Variants in CDH20 observed in about 807,000 individuals in gnomAD.
CDH20 encodes cadherin 20, also known as cadherin-20.
A neutral mutation model predicts 74.2 loss-of-function variants in CDH20; 29 were observed. That is an observed-to-expected ratio of 0.39 (90% CI 0.29 to 0.53). CDH20 has a LOEUF of 0.53. CDH20 is among the 20% of genes least tolerant of loss of function. The pLI is 0.69. For missense variants in CDH20, 988 were observed against 1,048.3 expected, an observed-to-expected ratio of 0.94 and a Z score of 0.79; for synonymous variants, 469 against 405.4, an observed-to-expected ratio of 1.16 and a Z score of -1.88.
At chr18:61,411,307 G>A (rs1912492885) in intron 1 of CDH20, among the ~76,000 whole-genome samples, 1 of 152,072 alleles carries the variant, frequency 6.6e-6, no homozygotes, top group Non-Finnish European at 1.5e-5. Context: ...ATGCTGGTGG[G>A]AATGTAAACT....
chr18:61,412,903 G>C (rs2159595), intron 1 of CDH20, among the ~76,000 whole-genome samples: 1 of 151,848 alleles, frequency 6.6e-6, no homozygotes, highest in Non-Finnish European at 1.5e-5. Flanking sequence ...TCTCTGGGTC[G>C]GGTAGGAAAG....
intron 1 of CDH20, among the ~76,000 whole-genome samples, chr18:61,482,666 T>C (rs939360011): frequency 6.6e-6 from 1 of 151,974 alleles, no homozygotes; most frequent in African/African-American, 2.4e-5. Flanking sequence ...TTTACATATA[T>C]ATATTTTAAA....
chr18:61,441,866 C>T (rs1184620422), intron 1 of CDH20, among the ~76,000 whole-genome samples: 1 of 152,112 alleles, frequency 6.6e-6, no homozygotes, highest in South Asian at 2.1e-4. Context: ...AAGCCACCTC[C>T]CTGTGTTATG....
intron 1 of CDH20, among the ~76,000 whole-genome samples, chr18:61,419,732 C>T (rs1912813649): frequency 6.6e-6 from 1 of 152,128 alleles, no homozygotes; most frequent in African/African-American, 2.4e-5. Flanking sequence ...ACTATCCCAA[C>T]TTGCCTCCCA....
chr18:61,422,849 C>G (rs1647476584), intron 1 of CDH20, among the ~76,000 whole-genome samples: 1 of 151,846 alleles, frequency 6.6e-6, no homozygotes, highest in African/African-American at 2.4e-5. Flanking sequence ...ATAAATAAAA[C>G]TGTCCATGAC....
intron 1 of CDH20, among the ~76,000 whole-genome samples, chr18:61,477,768 C>T (rs1268109648): frequency 1.3e-5 from 2 of 152,074 alleles, no homozygotes; most frequent in African/African-American, 4.8e-5. Context: ...TTTTATCAAC[C>T]CACACTCCCA....
chr18:61,515,368 G>A (rs1161642876), intron 6 of CDH20, among the ~76,000 whole-genome samples: 1 of 151,986 alleles, frequency 6.6e-6, no homozygotes, highest in Admixed American at 6.5e-5. Context: ...CTCGCGCACG[G>A]TGCACGCACC....
At chr18:61,502,921 T>C in intron 4 of CDH20, 32 bp from the exon 5 acceptor site, 2 of 1,560,794 alleles carry the variant, frequency 1.3e-6, no homozygotes, top group Non-Finnish European at 1.7e-6. Context: ...TGTGGTTTTA[T>C]TTTTATAAAC....
chr18:61,345,432 C>A lies in CDH20; in HGVS notation c.-153+11605C>A, dbSNP rs78896584. 9.0e-3 allele frequency among the ~76,000 whole-genome samples: 1,376 copies of A among 152,222 alleles called. 20 individuals are homozygous for A. The highest frequency in any genetic ancestry group is 0.032 in the African/African-American group (1,320 of 41,528). Reference sequence around the variant, plus strand: ...GGCCTGTTTCTTCACCTGTCAGTGACCAGGGTCATCTGCTGTTAATGAAAC... The same window carrying A: ...GGCCTGTTTCTTCACCTGTCAGTGAACAGGGTCATCTGCTGTTAATGAAAC... On this transcript the variant is annotated intron_variant, in intron 1 of 11. Coordinates refer to ENST00000262717, the MANE Select transcript of CDH20 (RefSeq NM_031891.4).
chr18:61,527,117 T>C (rs1038395978), intron 6 of CDH20, among the ~76,000 whole-genome samples: 4 of 152,006 alleles, frequency 2.6e-5, no homozygotes, highest in African/African-American at 9.7e-5. Flanking sequence ...GAGGTGGAGG[T>C]TGCAATGAGC....
chr18:61,479,058 A>C (rs1409163791), intron 1 of CDH20, among the ~76,000 whole-genome samples: 1 of 152,122 alleles, frequency 6.6e-6, no homozygotes, highest in African/African-American at 2.4e-5. Context: ...AAAGTGTGGA[A>C]AAAATAGTTC....
chr18:61,366,512 CT>C, intron 1 of CDH20, among the ~76,000 whole-genome samples: 1 of 152,060 alleles, frequency 6.6e-6, no homozygotes, highest in East Asian at 1.9e-4. Context: ...AATCCTTATT[CT>C]TTTTTATAAC....
At chr18:61,527,636 C>A (rs1275285797) in intron 6 of CDH20, among the ~76,000 whole-genome samples, 1 of 152,104 alleles carries the variant, frequency 6.6e-6, no homozygotes, top group East Asian at 1.9e-4. Flanking sequence ...TTCCTGGGAT[C>A]TCTCTAAAGA....
intron 1 of CDH20, among the ~76,000 whole-genome samples, chr18:61,466,599 C>G (rs375105055): frequency 1.2e-4 from 19 of 152,256 alleles, no homozygotes; most frequent in African/African-American, 4.6e-4. Context: ...GGAAATCTCT[C>G]AATGGTTTTT....
Position 61,500,439 on chromosome 18 carries a change from A to G in CDH20, c.598A>G (p.Ser200Gly), listed in dbSNP as rs1869129628. The G allele has an allele frequency of 6.2e-7, 1 of 1,613,266 alleles. No individual in the cohort carries two copies. Among genetic ancestry groups the G allele is most frequent in the Admixed American group, 1.7e-5 (1 of 60,004 alleles). Residue 200 changes from serine to glycine, a missense_variant, in exon 4 of 12, where the codon AGT (serine) becomes GGT (glycine). By Grantham distance (56) the Ser-to-Gly change is moderately conservative. Coordinates refer to ENST00000262717, the MANE Select transcript of CDH20 (RefSeq NM_031891.4). ...TDADDPTYGN[S>G]ARVVYSILQG... ...TGCAGATGACCCGACCTACGGCAAC[A>G]GTGCCAGGGTGGTGTACAGCATTCT...
chr18:61,403,894 T>C (rs1912238724), intron 1 of CDH20, among the ~76,000 whole-genome samples: 1 of 152,308 alleles, frequency 6.6e-6, no homozygotes, highest in South Asian at 2.1e-4. Context: ...TGGAATACTA[T>C]GCAGCCATAA....
Position 61,341,127 on chromosome 18 carries a change from A to G in CDH20, c.-153+7300A>G, listed in dbSNP as rs192146169. ...GTACCCACCTCCCACACGGGTGCCA[A>G]TGTTCTCTTATGTTTTACTCTGTCC... On this transcript the variant is annotated intron_variant, in intron 1 of 11. Transcript: ENST00000262717. Among the ~76,000 whole-genome samples, 123 of 152,296 alleles carry G rather than the reference A, an allele frequency of 8.1e-4. No individual in the cohort carries two copies. In the East Asian group the frequency reaches 0.021, roughly 27 times the overall value.
At position 61,547,601 on chromosome 18, in the gene CDH20, T is replaced by C. The variant is rs143408502; in HGVS notation, c.1649-2377T>C. Among the ~76,000 whole-genome samples the C allele has an allele frequency of 9.9e-3, 1,503 of 152,320 alleles. 14 individuals are homozygous for C. Among genetic ancestry groups the C allele is most frequent in the Non-Finnish European group, 0.016 (1,082 of 68,024 alleles). ...AAGTTATTAATCCCTCTGATTCTTA[T>C]TGTCCCATCTGATAGATGAGGAAAG... On this transcript the variant is annotated intron_variant, in intron 10 of 11. Coordinates refer to ENST00000262717, the MANE Select transcript of CDH20 (RefSeq NM_031891.4).
chr18:61,408,252 T>C (rs1221625356), intron 1 of CDH20, among the ~76,000 whole-genome samples: 4 of 152,128 alleles, frequency 2.6e-5, no homozygotes, highest in Non-Finnish European at 4.4e-5. Context: ...GCAGCAATTA[T>C]AGAGAAAATT....
Sources: gnomAD v4.1 joint callset for allele counts (sites outside exome capture counted in the v4.1 genomes callset) on GRCh38, gnomAD v4.1.1 for gene constraint, MANE v1.5 for transcripts, NCBI Gene and HGNC (gene_info 2026-07-23, HGNC 2026-07-21) for gene names.